MAP2: variants seen among roughly 807,000 people sequenced by gnomAD.
The protein encoded by MAP2 is microtubule associated protein 2.
MAP2 carries 14 observed loss-of-function variants against 137.6 expected under a neutral mutation model. That is an observed-to-expected ratio of 0.10 (90% CI 0.07 to 0.16). The LOEUF is 0.16. Among genes scored for constraint, MAP2 ranks in the 10% least tolerant of loss-of-function variants. MAP2 has a pLI of 1.00. For missense variants in MAP2, 2,088 were observed against 2,191.5 expected (o/e 0.95, Z 0.94); for synonymous variants, 786 against 782.3 (o/e 1.00, Z -0.08).
chr2:209,617,939 G>A (rs1320234738), intron 3 of MAP2, among the ~76,000 whole-genome samples: 3 of 151,920 alleles, frequency 2.0e-5, no homozygotes, highest in African/African-American at 7.3e-5. Flanking sequence ...CTATCAAAAA[G>A]TAGTTTACAT....
chr2:209,715,907 A>G (rs2067394770), intron 13 of MAP2, among the ~76,000 whole-genome samples: 1 of 152,208 alleles, frequency 6.6e-6, no homozygotes, highest in Non-Finnish European at 1.5e-5. Context: ...TGCTAAACCA[A>G]AAATCTAAGT....
rs36089216 is a variant in MAP2 at position 209,517,862 on chromosome 2, A to AT, written c.-172+10231dup. Among the ~76,000 whole-genome samples, 246 of 150,726 alleles carry AT rather than the reference A, an allele frequency of 1.6e-3. 2 individuals carry two copies. Among genetic ancestry groups the AT allele is most frequent in the Non-Finnish European group, 2.8e-3 (192 of 67,494 alleles). On this transcript the variant is annotated intron_variant, in intron 2 of 15. Transcript: ENST00000682079. ...CATGAGGTGAATGATAACCAAACAGATTTTTTTTTTAAATAAGAGAAAAAA... is the reference window on the plus strand; with the variant it reads ...CATGAGGTGAATGATAACCAAACAGATTTTTTTTTTTAAATAAGAGAAAAAA...
chr2:209,468,481 C>T (rs1162202073), intron 1 of MAP2, among the ~76,000 whole-genome samples: 2 of 151,646 alleles, frequency 1.3e-5, no homozygotes, highest in East Asian at 1.9e-4. Flanking sequence ...CCACCACGCC[C>T]GGCTAATTTT....
In MAP2 at chr2:209,693,613, C is replaced by A; in HGVS notation, c.1443C>A (p.Phe481Leu). Residue 481 changes from phenylalanine (F) to leucine (L), a missense_variant, in exon 8 of 16, where the codon TTC (phenylalanine) becomes TTA (leucine). By Grantham distance (22) the Phe-to-Leu change is conservative. Coordinates refer to ENST00000682079, the MANE Select transcript of MAP2 (RefSeq NM_001375505.1). Reference sequence around the variant, plus strand: ...TTCAGACCTCCACAGAGCACACTTTCTCAGAACAGAAAGACCAAGAGCCTA... The same window carrying A: ...TTCAGACCTCCACAGAGCACACTTTATCAGAACAGAAAGACCAAGAGCCTA... ...GIIQTSTEHT[F>L]SEQKDQEPTT... The A allele has an allele frequency of 6.2e-7, 1 of 1,613,968 alleles. No homozygotes were observed. The highest frequency in any genetic ancestry group is 1.3e-5 in the African/African-American group (1 of 75,034).
intron 4 of MAP2, among the ~76,000 whole-genome samples, chr2:209,636,103 A>G (rs981099648): frequency 7.2e-5 from 11 of 152,108 alleles, no homozygotes; most frequent in African/African-American, 2.7e-4. Flanking sequence ...TCTAATGAAT[A>G]TCAAGGACTC....
intron 2 of MAP2, among the ~76,000 whole-genome samples, chr2:209,537,704 T>C (rs2066201465): frequency 6.6e-6 from 1 of 152,216 alleles, no homozygotes; most frequent in African/African-American, 2.4e-5. Flanking sequence ...TTTAAAGGTC[T>C]GACATAGTCA....
intron 2 of MAP2, among the ~76,000 whole-genome samples, chr2:209,559,768 A>G (rs2071570597): frequency 6.6e-6 from 1 of 151,768 alleles, no homozygotes; most frequent in Non-Finnish European, 1.5e-5. Flanking sequence ...TTCTGGTGCA[A>G]CAAGATGTCC....
At chr2:209,709,800 C>G (rs755050878) in intron 12 of MAP2, 114 bp from the exon 13 acceptor site, 4 of 765,350 alleles carry the variant, frequency 5.2e-6, no homozygotes, top group African/African-American at 1.8e-5. Context: ...ATAACTGTTT[C>G]TAAATACCTT....
At chr2:209,444,888 A>C (rs1403104965) in intron 1 of MAP2, among the ~76,000 whole-genome samples, 1 of 151,390 alleles carries the variant, frequency 6.6e-6, no homozygotes, top group Admixed American at 6.6e-5. Context: ...ACTTTCAAAA[A>C]GAAATGTTTG....
At chr2:209,637,435 T>A (rs1487759810) in intron 4 of MAP2, among the ~76,000 whole-genome samples, 1 of 151,944 alleles carries the variant, frequency 6.6e-6, no homozygotes, top group Non-Finnish European at 1.5e-5. Context: ...AGACTGAGAC[T>A]GTGTCTTGAT....
At chr2:209,650,545 G>A (rs10196600) in intron 4 of MAP2, among the ~76,000 whole-genome samples, 27,709 of 151,982 alleles carry the variant, frequency 0.18, 3,561 homozygotes, top group African/African-American at 0.36. Flanking sequence ...CAAGGTCAAG[G>A]TCTTAAAGGA....
intron 2 of MAP2, among the ~76,000 whole-genome samples, chr2:209,511,473 TA>T (rs1159652543): frequency 6.6e-6 from 1 of 152,194 alleles, no homozygotes; most frequent in African/African-American, 2.4e-5. Context: ...TGCACTTGAC[TA>T]TATTAAAGTG....
At chr2:209,672,233 G>A (rs1184691592) in intron 5 of MAP2, among the ~76,000 whole-genome samples, 1 of 151,776 alleles carries the variant, frequency 6.6e-6, no homozygotes, top group African/African-American at 2.4e-5. Context: ...ATAATAAGTG[G>A]CAGGAGCCTG....
At chr2:209,656,461 G>A (rs1004586450) in intron 5 of MAP2, among the ~76,000 whole-genome samples, 1 of 151,882 alleles carries the variant, frequency 6.6e-6, no homozygotes, top group African/African-American at 2.4e-5. Context: ...AGTGAGCTGT[G>A]ATCAGGCCAC....
chr2:209,656,012 A>G (rs936379722), intron 5 of MAP2, among the ~76,000 whole-genome samples: 2 of 152,176 alleles, frequency 1.3e-5, no homozygotes, highest in South Asian at 2.1e-4. Context: ...ATAAAATGCA[A>G]TCGTCATCTT....
At chr2:209,644,454 T>C (rs2094265419) in intron 4 of MAP2, among the ~76,000 whole-genome samples, 1 of 152,118 alleles carries the variant, frequency 6.6e-6, no homozygotes, top group Admixed American at 6.6e-5. Flanking sequence ...AAAATTAGAT[T>C]CAAAACTATT....
Position 209,730,491 on chromosome 2 carries a change from C to A in MAP2, c.*94C>A. On this transcript the variant is annotated 3_prime_UTR_variant, in exon 16 of 16. Transcript: ENST00000682079. ...AGTTGTTATATTCATTCTTTATAAACCATAAAATAAATAATCTCATCCCCA... is the reference window on the plus strand; with the variant it reads ...AGTTGTTATATTCATTCTTTATAAAACATAAAATAAATAATCTCATCCCCA... 1 of 830,202 alleles carries A rather than the reference C, an allele frequency of 1.2e-6. No homozygotes were observed. Among genetic ancestry groups the A allele is most frequent in the Non-Finnish European group, 1.9e-6 (1 of 525,884 alleles). The allele number at this position is 830,202 out of a possible 1,614,324, so 51.4% of individuals were successfully genotyped here. A position where few individuals can be genotyped will look rare whatever the true frequency, so the allele number is the denominator to read the frequency against.
chr2:209,693,570 A>G lies in MAP2; in HGVS notation c.1400A>G (p.Asp467Gly), dbSNP rs2059483575. The G allele has an allele frequency of 6.2e-7, 1 of 1,613,044 alleles. No homozygotes were observed. Among genetic ancestry groups the G allele is most frequent in the Non-Finnish European group, 8.5e-7 (1 of 1,179,790 alleles). The change falls in exon 8 of 16, where the codon GAT (aspartate) becomes GGT (glycine). Residue 467 changes from aspartate to glycine, a missense_variant. Transcript: ENST00000682079. ...PKESKPPKPA[D>G]EEIGIIQTST... ...GAGAGTAAACCCCCAAAACCTGCAG[A>G]TGAAGAAATAGGCATAATTCAGACC...
intron 1 of MAP2, among the ~76,000 whole-genome samples, chr2:209,497,914 C>G (rs1248652676): frequency 6.6e-6 from 1 of 152,194 alleles, no homozygotes; most frequent in Non-Finnish European, 1.5e-5. Context: ...AAAACTATAT[C>G]ATCCTGCATC....
Sources: allele counts gnomAD v4.1 joint callset (sites outside exome capture counted in the v4.1 genomes callset), GRCh38; gene constraint gnomAD v4.1.1; transcripts MANE v1.5; gene names NCBI Gene and HGNC (gene_info 2026-07-23, HGNC 2026-07-21).